Variants in PNPLA7 observed in about 807,000 individuals in gnomAD.
PNPLA7 encodes patatin like domain 7, lysophospholipase, also known as patatin-like phospholipase domain-containing protein 7.
A neutral mutation model predicts 161.7 loss-of-function variants in PNPLA7; 153 were observed. The ratio of observed to expected loss-of-function variants is 0.95; its 90% CI spans 0.83 to 1.08. PNPLA7 has a LOEUF of 1.08. Among genes scored for constraint, PNPLA7 ranks in the 50% least tolerant of loss-of-function variants. PNPLA7 has a pLI of 0.00. For missense variants in PNPLA7, 1,739 were observed against 1,856.6 expected (o/e 0.94, Z 1.16); for synonymous variants, 809 against 782.1 (o/e 1.03, Z -0.57).
rs749464337 is a variant in PNPLA7 at position 137,461,549 on chromosome 9, G to A, written c.3828C>T (p.Pro1276=). Residue 1276 remains proline (P), a synonymous_variant, in exon 33 of 35, where the codon CCC becomes CCT. Transcript: ENST00000406427. The part of the protein sequence containing the change: ...EIVSRIEPAK[P]AMVDDESDYQ... ...GCCTCCACTCACCATCCACCATGGC[G>A]GGCTTGGCGGGCTCAATGCGAGACA... 4 of 1,612,048 alleles carry A rather than the reference G, an allele frequency of 2.5e-6. No individual in the cohort carries two copies. Among genetic ancestry groups the A allele is most frequent in the East Asian group, 4.5e-5 (2 of 44,840 alleles).
chr9:137,497,978 G>C, intron 17 of PNPLA7, 136 bp downstream of exon 17: 2 of 1,382,760 alleles, frequency 1.4e-6, no homozygotes, highest in Non-Finnish European at 2.0e-6. Flanking sequence ...GTGGGGCTGG[G>C]GAAATCCAGC....
chr9:137,513,802 A>G (rs994178451), intron 12 of PNPLA7, among the ~76,000 whole-genome samples: 7 of 152,254 alleles, frequency 4.6e-5, no homozygotes, highest in African/African-American at 1.7e-4. Flanking sequence ...ACCTCTACCT[A>G]CAGCACATAA....
Position 137,520,688 on chromosome 9 carries a change from C to T in PNPLA7, c.958-645G>A, listed in dbSNP as rs1358081187. ...CGAAACCCTGGTCTCACTCAGTTCC[C>T]ACGAGAGCTCGGCTAGGTGGGGACC... On this transcript the variant is annotated intron_variant, in intron 10 of 34. Transcript: ENST00000406427. The surrounding 1 kb of genome is among the most constrained non-coding windows in gnomAD (Gnocchi z 5.2). 6.6e-6 allele frequency among the ~76,000 whole-genome samples: 1 copy of T among 152,230 alleles called. No homozygotes were observed. The highest frequency in any genetic ancestry group is 2.4e-5 in the African/African-American group (1 of 41,462).
At chr9:137,475,427 G>T (rs976406924) in intron 25 of PNPLA7, among the ~76,000 whole-genome samples, 38 of 152,254 alleles carry the variant, frequency 2.5e-4, no homozygotes, top group African/African-American at 8.9e-4. Context: ...CAGGCTGGAG[G>T]GCAGTGGCGC....
At position 137,537,695 on chromosome 9, in the gene PNPLA7, C is replaced by T. The variant is rs1390742586; in HGVS notation, c.747+2947G>A. Among the ~76,000 whole-genome samples, 2 of 152,140 alleles carry T rather than the reference C, an allele frequency of 1.3e-5. No individual in the cohort carries two copies. Among genetic ancestry groups the T allele is most frequent in the Non-Finnish European group, 2.9e-5 (2 of 68,028 alleles). ...TAAGGGAGAGGGGCTGTGACACCAA[C>T]GCGGATGAGACGGATCGCAGCAGCT... On this transcript the variant is annotated intron_variant, in intron 8 of 34. Coordinates refer to ENST00000406427, the MANE Select transcript of PNPLA7 (RefSeq NM_001098537.3). This position sits in a 1 kb window ranked among gnomAD's most constrained non-coding sequence, Gnocchi z 4.5.
Position 137,486,304 on chromosome 9 carries a change from G to T in PNPLA7, c.2198-1568C>A, listed in dbSNP as rs1832480900. Among the ~76,000 whole-genome samples, 1 of 152,194 alleles carries T rather than the reference G, an allele frequency of 6.6e-6. No individual in the cohort carries two copies. Among genetic ancestry groups the T allele is most frequent in the Non-Finnish European group, 1.5e-5 (1 of 68,034 alleles). ...CCAGCGGACACCTGCAAGATCCTGG[G>T]ATGCACACGGCGCCGTGGCAGCACT... is the stretch of plus-strand genomic sequence containing the variant. On this transcript the variant is annotated intron_variant, in intron 20 of 34. Coordinates refer to ENST00000406427, the MANE Select transcript of PNPLA7 (RefSeq NM_001098537.3). The surrounding 1 kb of genome is among the most constrained non-coding windows in gnomAD (Gnocchi z 6.0).
chr9:137,462,786 C>G lies in PNPLA7; in HGVS notation c.3391G>C (p.Val1131Leu), dbSNP rs781143660. ...MGAKVVIAID[V>L]GSRDETDLTN... ...AGGTCCGTCTCATCTCGGCTGCCCACGTCAATGGCGATCACCACTTTTGCC... is the reference window on the plus strand; with the variant it reads ...AGGTCCGTCTCATCTCGGCTGCCCAGGTCAATGGCGATCACCACTTTTGCC... The change falls in exon 30 of 35, where the codon GTG becomes CTG. Residue 1131 changes from valine (V) to leucine (L), a missense_variant. By Grantham distance (32) the Val-to-Leu change is conservative (BLOSUM62 1). Around this residue, in one of 6 missense-constraint regions of PNPLA7, gnomAD observed 703 missense variants for 694.6 expected, o/e 1.01. Coordinates refer to ENST00000406427, the MANE Select transcript of PNPLA7 (RefSeq NM_001098537.3). 6.2e-7 allele frequency: 1 copy of G among 1,613,900 alleles called. No homozygotes were observed.
At chr9:137,525,485 T>G (rs1835253668) in intron 8 of PNPLA7, among the ~76,000 whole-genome samples, 1 of 152,206 alleles carries the variant, frequency 6.6e-6, no homozygotes, top group East Asian at 1.9e-4. Flanking sequence ...TAAGGTCACG[T>G]GAGTCACGTG....
At chr9:137,497,432 T>C in intron 17 of PNPLA7, 122 bp from the exon 18 acceptor site, 7 of 1,008,630 alleles carry the variant, frequency 6.9e-6, no homozygotes, top group African/African-American at 1.7e-5. Flanking sequence ...CACTATCTTA[T>C]TTTTGTTTTG....
At position 137,546,813 on chromosome 9, in the gene PNPLA7, C is replaced by T; in HGVS notation, c.273+17G>A. 8 of 1,613,164 alleles carry T rather than the reference C, an allele frequency of 5.0e-6. No individual in the cohort carries two copies. Among genetic ancestry groups the T allele is most frequent in the Non-Finnish European group, 6.8e-6 (8 of 1,179,806 alleles). On this transcript the variant is annotated intron_variant, in intron 4 of 34. Coordinates refer to ENST00000406427, the MANE Select transcript of PNPLA7 (RefSeq NM_001098537.3). Reference sequence around the variant, plus strand: ...CGAGGAAGCCGTGTGCAGCCTGGGGCCCCGAGCAACAGCTACCTTCCTCAT... The same window carrying T: ...CGAGGAAGCCGTGTGCAGCCTGGGGTCCCGAGCAACAGCTACCTTCCTCAT...
intron 19 of PNPLA7, 85 bp from the exon 20 acceptor site, chr9:137,493,167 G>C (rs1009635808): frequency 1.4e-6 from 2 of 1,398,046 alleles, no homozygotes; most frequent in Non-Finnish European, 1.0e-6. Flanking sequence ...CAACAACAGC[G>C]AGACTCAGCC....
chr9:137,518,703 C>T (rs1371431822), intron 11 of PNPLA7, among the ~76,000 whole-genome samples: 32 of 76,092 alleles, frequency 4.2e-4, no homozygotes, highest in Non-Finnish European at 6.3e-4. Flanking sequence ...CTCCACTCTG[C>T]TCACTCCATC....
At chr9:137,542,519 C>T (rs1836260330) in intron 7 of PNPLA7, 123 bp downstream of exon 7, 1 of 1,142,840 alleles carries the variant, frequency 8.8e-7, no homozygotes, top group Non-Finnish European at 1.2e-6. Context: ...GAGTTTTCCC[C>T]CAAAGAAATT....
At chr9:137,527,034 C>T (rs914580954) in intron 8 of PNPLA7, among the ~76,000 whole-genome samples, 3 of 151,854 alleles carry the variant, frequency 2.0e-5, no homozygotes, top group East Asian at 1.9e-4. Context: ...TTTGGGAGGC[C>T]GAGGCAGGTA....
chr9:137,467,636 G>A lies in PNPLA7; in HGVS notation c.2883-163C>T, dbSNP rs115229817. 0.014 allele frequency among the ~76,000 whole-genome samples: 2,206 copies of A among 152,348 alleles called. 56 individuals carry two copies. The highest frequency in any genetic ancestry group is 0.05 in the African/African-American group (2,066 of 41,572). ...TTAAAACCCCTCTTTCCGGGCTCAC[G>A]CCTGTCATCTCAGCACTTTGGGAGG... On this transcript the variant is annotated intron_variant, in intron 25 of 34. Transcript: ENST00000406427. The surrounding 1 kb of genome is among the most constrained non-coding windows in gnomAD (Gnocchi z 5.1).
In PNPLA7 at chr9:137,479,088, G is replaced by C; in HGVS notation, c.2731C>G (p.Arg911Gly). ...SGHLHLCCPRRVFSRRSLPKL... is the reference protein window; with the variant it reads ...SGHLHLCCPRGVFSRRSLPKL... ...GGCAGGCTCCTCCTGGAGAAGACGC[G>C]GCGCGGGCAGCAGAGGTGCAGGTGG... The change falls in exon 24 of 35, where the codon CGC (arginine) becomes GGC (glycine). Residue 911 changes from arginine (R) to glycine (G), a missense_variant. Transcript: ENST00000406427. The C allele has an allele frequency of 2.5e-6, 4 of 1,597,496 alleles. No individual in the cohort carries two copies. Among genetic ancestry groups the C allele is most frequent in the Non-Finnish European group, 3.4e-6 (4 of 1,171,974 alleles).
Position 137,550,289 on chromosome 9 carries a change from C to T in PNPLA7, c.-92G>A. On this transcript the variant is annotated 5_prime_UTR_variant, in exon 1 of 35. Transcript: ENST00000406427. ...CTACCCGCTCATGCTCACACCTGGA[C>T]ACTTTTCCCTGGGTTCCTTTCAAGT... 7.2e-7 allele frequency: 1 copy of T among 1,396,068 alleles called. No homozygotes were observed. The highest frequency in any genetic ancestry group is 1.0e-6 in the Non-Finnish European group (1 of 984,048). 86.5% of individuals were successfully genotyped at this position (1,396,068 alleles called of 1,614,324 possible).
intron 21 of PNPLA7, among the ~76,000 whole-genome samples, chr9:137,483,574 C>T (rs1272916649): frequency 6.6e-6 from 1 of 152,162 alleles, no homozygotes; most frequent in Non-Finnish European, 1.5e-5. Flanking sequence ...CCTGCCTCAG[C>T]CTCCCACATA....
In PNPLA7 at chr9:137,467,770, C is replaced by T. The variant is rs566450885; in HGVS notation, c.2883-297G>A. On this transcript the variant is annotated intron_variant, in intron 25 of 34. Transcript: ENST00000406427. The surrounding 1 kb of genome is among the most constrained non-coding windows in gnomAD (Gnocchi z 5.1). ...AAAATTAGCCAGGCGTGGTGGTGCG[C>T]GCCTGTAATCCCAGCTACTCGGGAG... is the stretch of plus-strand genomic sequence containing the variant. Among the ~76,000 whole-genome samples, 23 of 152,214 alleles carry T rather than the reference C, an allele frequency of 1.5e-4. No homozygotes were observed. The highest frequency in any genetic ancestry group is 9.7e-4 in the East Asian group (5 of 5,180).
Sources: gnomAD v4.1 joint callset for allele counts (sites outside exome capture counted in the v4.1 genomes callset) on GRCh38, gnomAD v4.1.1 for gene constraint, gnomAD v4.1.1 regional missense constraint, Gnocchi (gnomAD v3.1) non-coding constraint, MANE v1.5 for transcripts, NCBI Gene and HGNC (gene_info 2026-07-23, HGNC 2026-07-21) for gene names.